Variants in FOXO1 observed in about 807,000 individuals in gnomAD.
The protein encoded by FOXO1 is forkhead box protein O1.
A neutral mutation model predicts 44.1 loss-of-function variants in FOXO1; 6 were observed. The observed-to-expected ratio is 0.14, with a 90% CI of 0.07 to 0.27. FOXO1 has a LOEUF of 0.27. FOXO1 is among the 10% of genes least tolerant of loss of function. The pLI is 1.00. For missense variants in FOXO1, 737 were observed against 888.8 expected (o/e 0.83, Z 2.17); for synonymous variants, 380 against 362.7 (o/e 1.05, Z -0.54).
At chr13:40,631,868 T>C (rs1303279540) in intron 1 of FOXO1, among the ~76,000 whole-genome samples, 1 of 152,170 alleles carries the variant, frequency 6.6e-6, no homozygotes, top group African/African-American at 2.4e-5. Context: ...CATAACAAAA[T>C]GAAAGTACTT....
At chr13:40,628,242 T>C (rs1593406436) in intron 1 of FOXO1, among the ~76,000 whole-genome samples, 2 of 152,228 alleles carry the variant, frequency 1.3e-5, no homozygotes, top group African/African-American at 2.4e-5. Context: ...TGATGAATAA[T>C]GTTCGTTCTC....
At position 40,653,846 on chromosome 13, in the gene FOXO1, G is replaced by A. The variant is rs546522348; in HGVS notation, c.630+11737C>T. On this transcript the variant is annotated intron_variant, in intron 1 of 2. Coordinates refer to ENST00000379561, the MANE Select transcript of FOXO1 (RefSeq NM_002015.4). ...AACACCTTCAAGATGGGGAAACCAC[G>A]GTTTTAAACAGAAACACATATTTTC... is the stretch of plus-strand genomic sequence containing the variant. Among the ~76,000 whole-genome samples, 10 of 152,082 alleles carry A rather than the reference G, an allele frequency of 6.6e-5. No homozygotes were observed. In the East Asian group the frequency reaches 1.9e-3, roughly 29 times the overall value.
chr13:40,641,240 T>C lies in FOXO1; in HGVS notation c.630+24343A>G, dbSNP rs747490368. Among the ~76,000 whole-genome samples the C allele has an allele frequency of 2.6e-5, 4 of 151,994 alleles. No homozygotes were observed. The South Asian group carries it at 6.2e-4, about 24-fold the overall frequency. On this transcript the variant is annotated intron_variant, in intron 1 of 2. Coordinates refer to ENST00000379561, the MANE Select transcript of FOXO1 (RefSeq NM_002015.4). ...CAACTAAATAGAGCCTTCCTATCCA[T>C]CTGGTGAGGAAACCACAGGCAACTC...
intron 1 of FOXO1, among the ~76,000 whole-genome samples, chr13:40,639,200 TA>T (rs577474037): frequency 8.3e-5 from 12 of 143,922 alleles, no homozygotes; most frequent in East Asian, 2.0e-4. Context: ...ACTCTGTCTT[TA>T]AAAAAAAAAA....
At chr13:40,660,138 A>T (rs1285994300) in intron 1 of FOXO1, among the ~76,000 whole-genome samples, 1 of 152,176 alleles carries the variant, frequency 6.6e-6, no homozygotes, top group East Asian at 1.9e-4. Context: ...GTACCAAGAA[A>T]AGGTGCTTGG....
At chr13:40,643,756 C>A (rs760698322) in intron 1 of FOXO1, among the ~76,000 whole-genome samples, 12 of 152,072 alleles carry the variant, frequency 7.9e-5, no homozygotes, top group Non-Finnish European at 7.4e-5. Flanking sequence ...AAAAGAAAAC[C>A]CCAGAATCTC....
chr13:40,636,036 CCT>C (rs1877137576), intron 1 of FOXO1, among the ~76,000 whole-genome samples: 1 of 152,082 alleles, frequency 6.6e-6, no homozygotes, highest in African/African-American at 2.4e-5. Flanking sequence ...ATGATGAAAC[CCT>C]GTCTGTACTA....
At chr13:40,654,981 T>G (rs1239008226) in intron 1 of FOXO1, among the ~76,000 whole-genome samples, 1 of 152,150 alleles carries the variant, frequency 6.6e-6, no homozygotes, top group African/African-American at 2.4e-5. Flanking sequence ...ATATCTTTAC[T>G]TACAAAAATT....
intron 1 of FOXO1, among the ~76,000 whole-genome samples, chr13:40,661,159 T>G (rs1878024459): frequency 6.6e-6 from 1 of 152,196 alleles, no homozygotes; most frequent in African/African-American, 2.4e-5. Flanking sequence ...TCAAATAGAT[T>G]CAGGTAACTT....
chr13:40,632,599 T>C (rs1003479297), intron 1 of FOXO1, among the ~76,000 whole-genome samples: 6 of 151,458 alleles, frequency 4.0e-5, no homozygotes, highest in Non-Finnish European at 5.9e-5. Context: ...GATAGTGCCA[T>C]TGTACTACAG....
At chr13:40,662,815 A>C (rs1009984578) in intron 1 of FOXO1, among the ~76,000 whole-genome samples, 8 of 152,338 alleles carry the variant, frequency 5.3e-5, no homozygotes, top group Admixed American at 3.3e-4. Context: ...AAAACAGTTA[A>C]GTTTTGGTTG....
chr13:40,630,684 G>C (rs1004070670), intron 1 of FOXO1, among the ~76,000 whole-genome samples: 2 of 151,520 alleles, frequency 1.3e-5, no homozygotes, highest in Non-Finnish European at 2.9e-5. Flanking sequence ...GGAAAAGCTT[G>C]TCACTTAATG....
At chr13:40,587,121 A>G (rs1875195363) in intron 1 of FOXO1, among the ~76,000 whole-genome samples, 1 of 152,186 alleles carries the variant, frequency 6.6e-6, no homozygotes, top group Non-Finnish European at 1.5e-5. Flanking sequence ...TGGGACTCCA[A>G]GAATAACTCC....
chr13:40,649,402 C>T (rs989540303), intron 1 of FOXO1, among the ~76,000 whole-genome samples: 3 of 152,076 alleles, frequency 2.0e-5, no homozygotes, highest in African/African-American at 7.2e-5. Flanking sequence ...TTGGAGGCCC[C>T]CAAGTTGTCA....
chr13:40,651,665 A>G (rs1459441123), intron 1 of FOXO1, among the ~76,000 whole-genome samples: 2 of 151,690 alleles, frequency 1.3e-5, no homozygotes, highest in Non-Finnish European at 2.9e-5. Context: ...ACAAATATAC[A>G]TCTAAATATA....
intron 1 of FOXO1, among the ~76,000 whole-genome samples, chr13:40,645,457 C>A (rs993693623): frequency 6.6e-6 from 1 of 152,142 alleles, no homozygotes; most frequent in Non-Finnish European, 1.5e-5. Flanking sequence ...GCATCATGTT[C>A]ACGCCCAGGG....
At position 40,558,366 on chromosome 13, in the gene FOXO1, CA is replaced by C. The variant is rs3841230; in HGVS notation, c.*682del. On this transcript the variant is annotated 3_prime_UTR_variant, in exon 3 of 3. Transcript: ENST00000379561. Reference sequence around the variant, plus strand: ...ACAAATTTGCAAATAACAAAATAAACAAAAAAAAATAGAAAAGACCTGTACA... The same window carrying C: ...ACAAATTTGCAAATAACAAAATAAACAAAAAAAATAGAAAAGACCTGTACA... 118 of 150,886 alleles carry C rather than the reference CA, an allele frequency of 7.8e-4. 2 individuals are homozygous for C. The highest frequency in any genetic ancestry group is 2.6e-3 in the African/African-American group (105 of 41,006). 9.3% of individuals were successfully genotyped at this position (150,886 alleles called of 1,614,324 possible).
intron 1 of FOXO1, among the ~76,000 whole-genome samples, chr13:40,570,954 A>C (rs1157452988): frequency 6.6e-6 from 1 of 152,182 alleles, no homozygotes; most frequent in East Asian, 1.9e-4. Context: ...TTCCTTCTAT[A>C]ACCCCTCTGT....
chr13:40,642,122 T>TTTATGAGACTA, intron 1 of FOXO1, among the ~76,000 whole-genome samples: 1 of 152,246 alleles, frequency 6.6e-6, no homozygotes, highest in Non-Finnish European at 1.5e-5. Context: ...ACATTATATG[T>TTTATGAGACTA]TTATGAGACT....
Sources: gnomAD v4.1 joint callset for allele counts (sites outside exome capture counted in the v4.1 genomes callset) on GRCh38, gnomAD v4.1.1 for gene constraint, MANE v1.5 for transcripts, NCBI Gene and HGNC (gene_info 2026-07-23, HGNC 2026-07-21) for gene names.